The following GEMIN2 variants were observed in gnomAD, a reference collection of about 807,000 sequenced individuals.
GEMIN2 encodes gem-associated protein 2.
Under a neutral mutation model 45.8 loss-of-function variants are expected in GEMIN2, and 37 were observed. That is an observed-to-expected ratio of 0.81 (90% CI 0.62 to 1.06). The LOEUF is 1.06. Ranked by LOEUF, GEMIN2 falls within the 50% of genes least tolerant of loss-of-function variation. The pLI is 0.00. For synonymous variants in GEMIN2, 101 were observed against 111.5 expected (o/e 0.91, Z 0.60); for missense variants, 335 against 321.8 (o/e 1.04, Z -0.31).
chr14:39,115,998 T>C (rs1401584293), intron 2 of GEMIN2, among the ~76,000 whole-genome samples: 1 of 151,972 alleles, frequency 6.6e-6, no homozygotes, highest in Non-Finnish European at 1.5e-5. Context: ...TAATAATCAA[T>C]AAATGACAGA....
chr14:39,117,699 G>A (rs954618973), intron 2 of GEMIN2, among the ~76,000 whole-genome samples: 1 of 152,092 alleles, frequency 6.6e-6, no homozygotes, highest in Non-Finnish European at 1.5e-5. Flanking sequence ...AGAAAGGCAG[G>A]TAGGGCTAGA....
Position 39,114,916 on chromosome 14 carries a change from G to A in GEMIN2, c.222+3G>A, listed in dbSNP as rs776054078. The A allele has an allele frequency of 5.0e-6, 7 of 1,409,642 alleles. No homozygotes were observed. Among genetic ancestry groups the A allele is most frequent in the Non-Finnish European group, 7.0e-6 (7 of 993,428 alleles). The allele number at this position is 1,409,642 out of a possible 1,614,324, so 87.3% of individuals were successfully genotyped here. ...GGAAGCAAAGTGTGAATATTTCTGT[G>A]AGTTTTATTAACCGTCTGGAGATTA... On this transcript the variant is annotated splice_donor_region_variant and intron_variant, in intron 2 of 9. Coordinates refer to ENST00000308317, the MANE Select transcript of GEMIN2 (RefSeq NM_003616.3).
At chr14:39,130,659 C>A (rs1254109872) in intron 7 of GEMIN2, among the ~76,000 whole-genome samples, 1 of 151,970 alleles carries the variant, frequency 6.6e-6, no homozygotes, top group African/African-American at 2.4e-5. Flanking sequence ...TTAGGGAGGC[C>A]GAGGTGGGCG....
intron 9 of GEMIN2, among the ~76,000 whole-genome samples, chr14:39,135,543 G>T (rs1399763448): frequency 2.0e-5 from 3 of 151,512 alleles, no homozygotes; most frequent in Admixed American, 6.6e-5. Flanking sequence ...CTGAGATCGT[G>T]CCATTGCACT....
chr14:39,121,026 T>C (rs143239133), intron 4 of GEMIN2, among the ~76,000 whole-genome samples: 25 of 152,356 alleles, frequency 1.6e-4, no homozygotes, highest in African/African-American at 6.0e-4. Flanking sequence ...CTGCTTTTTC[T>C]GTCTGGCAGC....
At chr14:39,118,780 A>T (rs886126919) in intron 4 of GEMIN2, among the ~76,000 whole-genome samples, 181 bp downstream of exon 4, 10 of 138,748 alleles carry the variant, frequency 7.2e-5, no homozygotes, top group East Asian at 2.0e-4. Flanking sequence ...TTCATGACAA[A>T]TTTTTTTTTT....
chr14:39,131,253 C>T (rs8010004), intron 7 of GEMIN2, among the ~76,000 whole-genome samples: 2,248 of 152,094 alleles, frequency 0.015, 59 homozygotes, highest in African/African-American at 0.051. Context: ...GCCGAGATCG[C>T]GCCATTGCAC....
intron 2 of GEMIN2, among the ~76,000 whole-genome samples, chr14:39,115,179 G>A (rs1324634426): frequency 2.6e-5 from 4 of 152,064 alleles, no homozygotes; most frequent in African/African-American, 9.7e-5. Context: ...CTTTAAATGG[G>A]TTACTTATGT....
At chr14:39,118,766 G>A (rs1048992722) in intron 4 of GEMIN2, among the ~76,000 whole-genome samples, 167 bp downstream of exon 4, 1 of 150,738 alleles carries the variant, frequency 6.6e-6, no homozygotes, top group Non-Finnish European at 1.5e-5. Flanking sequence ...GGAAAGTATA[G>A]ATTTTCATGA....
intron 4 of GEMIN2, among the ~76,000 whole-genome samples, 178 bp downstream of exon 4, chr14:39,118,777 CA>C (rs1336485963): frequency 6.7e-6 from 1 of 148,592 alleles, no homozygotes; most frequent in Non-Finnish European, 1.5e-5. Context: ...ATTTTCATGA[CA>C]AATTTTTTTT....
At chr14:39,136,288 G>T in intron 9 of GEMIN2, 152 bp from the exon 10 acceptor site, 2 of 570,102 alleles carry the variant, frequency 3.5e-6, no homozygotes, top group Non-Finnish European at 3.1e-6. Flanking sequence ...CTCTTTTTAT[G>T]GCTTCATAAT....
rs558841725 is a variant in GEMIN2 at position 39,125,391 on chromosome 14, C to T, written c.531+355C>T. Among the ~76,000 whole-genome samples, 8 of 152,242 alleles carry T rather than the reference C, an allele frequency of 5.3e-5. No individual in the cohort carries two copies. In the South Asian group the frequency reaches 6.2e-4, roughly 12 times the overall value. ...AGCTTTCAGTTATAAGTCTTAGATT[C>T]TGGGGTTTGAATTAAATACAAGGTC... On this transcript the variant is annotated intron_variant, in intron 6 of 9. Transcript: ENST00000308317.
In GEMIN2 at chr14:39,128,394, C is replaced by T. The variant is rs368217078; in HGVS notation, c.600+46C>T. The T allele has an allele frequency of 1.7e-4, 174 of 996,730 alleles. 3 individuals carry two copies. The South Asian group carries it at 2.0e-3, about 12-fold the overall frequency. The allele number at this position is 996,730 out of a possible 1,614,324, so 61.7% of individuals were successfully genotyped here. A position where few individuals can be genotyped will look rare whatever the true frequency, so the allele number is the denominator to read the frequency against. On this transcript the variant is annotated intron_variant, in intron 7 of 9. Coordinates refer to ENST00000308317, the MANE Select transcript of GEMIN2 (RefSeq NM_003616.3). ...TTTCATAATGTAGGCAAAAATTAGA[C>T]GTTTTGGGTCAACTGTGGGCCACAT...
intron 8 of GEMIN2, 46 bp downstream of exon 8, chr14:39,132,114 A>G (rs758878910): frequency 4.7e-6 from 4 of 854,080 alleles, no homozygotes; most frequent in Non-Finnish European, 8.1e-6. Context: ...CCACCAATTT[A>G]TATGGTGGTA....
chr14:39,135,957 A>T (rs945633872), intron 9 of GEMIN2, among the ~76,000 whole-genome samples: 58 of 152,026 alleles, frequency 3.8e-4, no homozygotes, highest in Non-Finnish European at 8.2e-4. Context: ...GTGGTGGCTC[A>T]AGCCTGTAAT....
At chr14:39,131,173 T>C (rs1389571410) in intron 7 of GEMIN2, among the ~76,000 whole-genome samples, 1 of 151,836 alleles carries the variant, frequency 6.6e-6, no homozygotes, top group Non-Finnish European at 1.5e-5. Flanking sequence ...GGTACATGCC[T>C]GTAATTCCAG....
At chr14:39,133,478 T>A (rs1036694306) in intron 8 of GEMIN2, among the ~76,000 whole-genome samples, 183 bp from the exon 9 acceptor site, 7 of 151,202 alleles carry the variant, frequency 4.6e-5, no homozygotes, top group Non-Finnish European at 1.0e-4. Context: ...TAGTCTTAGA[T>A]GTTTCTCAAG....
intron 9 of GEMIN2, among the ~76,000 whole-genome samples, chr14:39,134,980 GT>G (rs1438643338): frequency 6.6e-6 from 1 of 151,806 alleles, no homozygotes; most frequent in Non-Finnish European, 1.5e-5. Flanking sequence ...TTTTGTTTTT[GT>G]TTTTGTTTTA....
intron 9 of GEMIN2, 102 bp from the exon 10 acceptor site, chr14:39,136,338 T>C (rs9322993): frequency 0.9 from 613,329 of 681,914 alleles, 278,045 homozygotes; most frequent in East Asian, 0.97. Flanking sequence ...TTTAACCAGT[T>C]TCTTATTGAT....
Sources: allele counts gnomAD v4.1 joint callset (sites outside exome capture counted in the v4.1 genomes callset), GRCh38; gene constraint gnomAD v4.1.1; transcripts MANE v1.5; gene names NCBI Gene and HGNC (gene_info 2026-07-23, HGNC 2026-07-21).